Variants in DOCK2 observed in about 807,000 individuals in gnomAD.
The protein encoded by DOCK2 is dedicator of cytokinesis 2.
A neutral mutation model predicts 248.9 loss-of-function variants in DOCK2; 87 were observed. The ratio of observed to expected loss-of-function variants is 0.35; its 90% CI spans 0.29 to 0.42. The LOEUF (loss-of-function observed/expected upper bound fraction) is 0.42. DOCK2 is among the 10% of genes least tolerant of loss of function. The pLI is 1.00. For synonymous variants in DOCK2, 805 were observed against 821.6 expected (o/e 0.98, Z 0.35); for missense variants, 1,747 against 2,300.2 (o/e 0.76, Z 4.92).
intron 27 of DOCK2, among the ~76,000 whole-genome samples, chr5:169,873,496 A>G (rs1772116253): frequency 6.6e-6 from 1 of 152,248 alleles, no homozygotes; most frequent in African/African-American, 2.4e-5. Context: ...GATTACTAGA[A>G]TAACAGATAT....
intron 27 of DOCK2, among the ~76,000 whole-genome samples, chr5:169,953,835 A>G (rs1485692220): frequency 6.6e-6 from 1 of 152,178 alleles, no homozygotes; most frequent in Admixed American, 6.5e-5. Context: ...CCCTGGCACC[A>G]TTGGTTTTCC....
intron 27 of DOCK2, among the ~76,000 whole-genome samples, chr5:169,966,299 G>T (rs989239361): frequency 2.0e-5 from 3 of 152,080 alleles, no homozygotes; most frequent in African/African-American, 7.2e-5. Flanking sequence ...TTGGGGGGCG[G>T]GGGTTGAGGA....
In DOCK2 at chr5:169,814,998, A is replaced by G. The variant is rs143727411; in HGVS notation, c.2703+11792A>G. On this transcript the variant is annotated intron_variant, in intron 26 of 51. Transcript: ENST00000520908. ...TAGGTAATTGCATGACTAAACCAAC[A>G]TTTAGCATGCCATAACCCAGGACTA... 5.2e-3 allele frequency among the ~76,000 whole-genome samples: 797 copies of G among 152,314 alleles called. 8 individuals carry two copies. Among genetic ancestry groups the G allele is most frequent in the African/African-American group, 0.019 (770 of 41,586 alleles).
chr5:169,695,717 A>G, intron 9 of DOCK2, 86 bp from the exon 10 acceptor site: 1 of 1,579,592 alleles, frequency 6.3e-7, no homozygotes, highest in Non-Finnish European at 8.6e-7. Context: ...TACATCCCTC[A>G]GAAATTACTA....
chr5:169,677,886 T>G (rs1462359756), intron 6 of DOCK2, among the ~76,000 whole-genome samples: 1 of 152,154 alleles, frequency 6.6e-6, no homozygotes, highest in East Asian at 1.9e-4. Flanking sequence ...AAAGGGAAGC[T>G]GGATGTGGGA....
intron 1 of DOCK2, among the ~76,000 whole-genome samples, chr5:169,638,009 G>A (rs901481209): frequency 6.6e-6 from 1 of 152,146 alleles, no homozygotes; most frequent in Admixed American, 6.5e-5. Context: ...ACTCCCAGAA[G>A]CCTCTGCCTG....
At chr5:169,993,339 C>A (rs1778257522) in intron 29 of DOCK2, among the ~76,000 whole-genome samples, 1 of 152,166 alleles carries the variant, frequency 6.6e-6, no homozygotes, top group African/African-American at 2.4e-5. Flanking sequence ...GCTGACTGAT[C>A]CCTGTCCTCT....
At chr5:169,753,436 G>A (rs958946929) in intron 23 of DOCK2, among the ~76,000 whole-genome samples, 4 of 151,156 alleles carry the variant, frequency 2.6e-5, no homozygotes, top group Non-Finnish European at 5.9e-5. Flanking sequence ...ACTTATGAGC[G>A]AGAACATTTG....
At chr5:170,023,734 A>G (rs1349307483) in intron 33 of DOCK2, among the ~76,000 whole-genome samples, 1 of 152,200 alleles carries the variant, frequency 6.6e-6, no homozygotes, top group Non-Finnish European at 1.5e-5. Context: ...CTGGCATTTC[A>G]TAACAGAGGA....
At chr5:169,805,104 G>A (rs1223446924) in intron 26 of DOCK2, among the ~76,000 whole-genome samples, 8 of 151,976 alleles carry the variant, frequency 5.3e-5, no homozygotes, top group African/African-American at 1.7e-4. Context: ...CCTCAGCCAG[G>A]GAGGTTGATC....
chr5:170,030,318 A>T (rs1354342563), intron 34 of DOCK2, among the ~76,000 whole-genome samples: 1 of 152,184 alleles, frequency 6.6e-6, no homozygotes, highest in Non-Finnish European at 1.5e-5. Context: ...AAAACAAATC[A>T]AGCCCGACAC....
chr5:169,643,367 A>G (rs1581366602), intron 1 of DOCK2, among the ~76,000 whole-genome samples: 1 of 149,422 alleles, frequency 6.7e-6, no homozygotes, highest in African/African-American at 2.5e-5. Context: ...TTTCAGCACC[A>G]GGGCTGGTTT....
At chr5:169,686,305 C>G (rs887063863) in intron 8 of DOCK2, among the ~76,000 whole-genome samples, 11 of 152,136 alleles carry the variant, frequency 7.2e-5, no homozygotes, top group African/African-American at 2.4e-4. Flanking sequence ...GTCGGCTGGC[C>G]CCATCTCAGT....
At chr5:169,722,134 G>A (rs1762242528) in intron 22 of DOCK2, among the ~76,000 whole-genome samples, 1 of 152,222 alleles carries the variant, frequency 6.6e-6, no homozygotes, top group African/African-American at 2.4e-5. Flanking sequence ...AGCATTGTAA[G>A]GAACATTCAG....
At chr5:169,874,417 A>AC (rs1772183329) in intron 27 of DOCK2, among the ~76,000 whole-genome samples, 2 of 151,706 alleles carry the variant, frequency 1.3e-5, no homozygotes, top group Admixed American at 6.6e-5. Context: ...TCTCAAAAAA[A>AC]AAAAAAAAAA....
intron 27 of DOCK2, among the ~76,000 whole-genome samples, chr5:169,861,322 G>A (rs1771182707): frequency 6.6e-6 from 1 of 152,246 alleles, no homozygotes; most frequent in South Asian, 2.1e-4. Flanking sequence ...AAATATGTAA[G>A]TTTATTGCAA....
chr5:170,072,929 T>C (rs1757727673), intron 46 of DOCK2, among the ~76,000 whole-genome samples: 1 of 152,234 alleles, frequency 6.6e-6, no homozygotes, highest in Non-Finnish European at 1.5e-5. Flanking sequence ...GTCAAATATA[T>C]GTATTGCAAA....
At chr5:170,075,510 A>C (rs1163886145) in intron 46 of DOCK2, 1 of 160,280 alleles carries the variant, frequency 6.2e-6, no homozygotes, top group African/African-American at 2.4e-5. Flanking sequence ...GTTTTCTCTC[A>C]GCTCTTGCCT....
intron 33 of DOCK2, among the ~76,000 whole-genome samples, chr5:170,024,567 G>A (rs1199186213): frequency 1.3e-5 from 2 of 152,122 alleles, no homozygotes; most frequent in African/African-American, 4.8e-5. Flanking sequence ...CTTACTATGT[G>A]CCAAGTGCCT....
Sources: allele counts gnomAD v4.1 joint callset (sites outside exome capture counted in the v4.1 genomes callset), GRCh38; gene constraint gnomAD v4.1.1; transcripts MANE v1.5; gene names NCBI Gene and HGNC (gene_info 2026-07-23, HGNC 2026-07-21).